PRMT8: variants seen among roughly 807,000 people sequenced by gnomAD.
PRMT8 encodes protein arginine methyltransferase 8.
A neutral mutation model predicts 47.1 loss-of-function variants in PRMT8; 7 were observed. The ratio of observed to expected loss-of-function variants is 0.15; its 90% CI spans 0.08 to 0.28. The LOEUF is 0.28. Ranked by LOEUF, PRMT8 falls within the 10% of genes least tolerant of loss-of-function variation. The pLI, the probability that PRMT8 is intolerant of heterozygous loss-of-function variation, is 1.00. For missense variants in PRMT8, 237 were observed against 505.4 expected (o/e 0.47, Z 5.09); for synonymous variants, 188 against 186.5 (o/e 1.01, Z -0.07).
chr12:3,425,869 C>A (rs763977192), intron 1 of PRMT8, among the ~76,000 whole-genome samples: 1 of 152,266 alleles, frequency 6.6e-6, no homozygotes, highest in Non-Finnish European at 1.5e-5. Flanking sequence ...ACCACACATC[C>A]GCTCAGGGAT....
intron 1 of PRMT8, among the ~76,000 whole-genome samples, chr12:3,421,071 A>C (rs1339260027): frequency 6.6e-6 from 1 of 152,098 alleles, no homozygotes; most frequent in Non-Finnish European, 1.5e-5. Flanking sequence ...AAAATATAAG[A>C]CTTTCTTACC....
chr12:3,517,602 C>G (rs745871749), intron 1 of PRMT8, among the ~76,000 whole-genome samples: 1 of 152,030 alleles, frequency 6.6e-6, no homozygotes, highest in African/African-American at 2.4e-5. Flanking sequence ...CTCCGGTAAG[C>G]GGGGCTGAGT....
intron 1 of PRMT8, among the ~76,000 whole-genome samples, chr12:3,467,611 C>T (rs190941897): frequency 6.6e-6 from 1 of 152,294 alleles, no homozygotes; most frequent in Admixed American, 6.5e-5. Flanking sequence ...CTGTGGCCTC[C>T]AAGACCAGCT....
At chr12:3,433,642 C>T (rs1289508177) in intron 1 of PRMT8, among the ~76,000 whole-genome samples, 6 of 151,930 alleles carry the variant, frequency 3.9e-5, no homozygotes, top group Admixed American at 6.6e-5. Flanking sequence ...GATGAAGTCT[C>T]GCTCTGTCAC....
chr12:3,454,203 C>T (rs894878739), intron 1 of PRMT8, among the ~76,000 whole-genome samples: 1 of 151,256 alleles, frequency 6.6e-6, no homozygotes, highest in African/African-American at 2.4e-5. Context: ...CGCCCTGTGT[C>T]TTTTGGCTTC....
At chr12:3,531,147 G>A (rs1866024727) in intron 1 of PRMT8, among the ~76,000 whole-genome samples, 2 of 152,160 alleles carry the variant, frequency 1.3e-5, no homozygotes, top group Non-Finnish European at 2.9e-5. Context: ...GGAACTAAAA[G>A]TGTAGTCTAA....
At chr12:3,381,390 G>A (rs1222809274) in exon 1 of PRMT8, 8 of 1,535,944 alleles carry the variant, frequency 5.2e-6, no homozygotes, top group Non-Finnish European at 6.1e-6. Context: ...TGTGTGCCAG[G>A]TTGAATGGAG....
In PRMT8 at chr12:3,453,558, C is replaced by T. The variant is rs1864943309; in HGVS notation, c.48+72116C>T. ...CCTGGGGAAGCCAGACGCTGCATTC[C>T]GCATGCCATCGTGACCTTGAAGTAG... On this transcript the variant is annotated intron_variant, in intron 1 of 9. Coordinates refer to the PRMT8 transcript ENST00000452611. This position sits in a 1 kb window ranked among gnomAD's most constrained non-coding sequence, Gnocchi z 4.9. Among the ~76,000 whole-genome samples the T allele has an allele frequency of 6.6e-6, 1 of 152,196 alleles. No individual in the cohort carries two copies. The highest frequency in any genetic ancestry group is 2.4e-5 in the African/African-American group (1 of 41,454).
intron 4 of PRMT8, among the ~76,000 whole-genome samples, chr12:3,562,707 C>T (rs965708969): frequency 5.3e-5 from 8 of 152,284 alleles, no homozygotes; most frequent in Admixed American, 2.0e-4. Flanking sequence ...ATTTACACCA[C>T]GGACATTGGC....
rs555851371 is a variant in PRMT8, at chr12:3,414,479, T to C, written c.48+33037T>C. Among the ~76,000 whole-genome samples the C allele has an allele frequency of 3.9e-3, 587 of 152,282 alleles. 15 individuals carry two copies. The highest frequency in any genetic ancestry group is 5.8e-3 in the Admixed American group (89 of 15,296). On this transcript the variant is annotated intron_variant, in intron 1 of 9. Transcript: ENST00000452611. ...TCACTCAGCCTGTCAATGGCTACTT[T>C]TCTTGAGAAGGAGCCTGCAAGCGAG...
chr12:3,452,220 T>C lies in PRMT8; in HGVS notation c.48+70778T>C, dbSNP rs543444937. 5.9e-5 allele frequency among the ~76,000 whole-genome samples: 9 copies of C among 151,746 alleles called. No individual in the cohort carries two copies. In the South Asian group the frequency reaches 1.9e-3, roughly 31 times the overall value. Reference sequence around the variant, plus strand: ...GAAAAATAACTAATGGGTACTGGGCTTAATACCTGGGTGAGGAAATAAGTG... The same window carrying C: ...GAAAAATAACTAATGGGTACTGGGCCTAATACCTGGGTGAGGAAATAAGTG... On this transcript the variant is annotated intron_variant, in intron 1 of 9. Coordinates refer to the PRMT8 transcript ENST00000452611.
intron 1 of PRMT8, among the ~76,000 whole-genome samples, chr12:3,483,897 T>TCCCCATCAAGCTCTGCCTC (rs1479874282): frequency 8.5e-5 from 13 of 152,302 alleles, no homozygotes; most frequent in Admixed American, 7.2e-4. Context: ...TTCATTGACT[T>TCCCCATCAAGCTCTGCCTC]CCCCATCAAG....
intron 1 of PRMT8, among the ~76,000 whole-genome samples, chr12:3,448,984 G>T (rs187588371): frequency 6.6e-6 from 1 of 152,140 alleles, no homozygotes; most frequent in Non-Finnish European, 1.5e-5. Context: ...GAGAACACGC[G>T]GTGTTTGGTT....
At chr12:3,473,426 G>A (rs1440158544) in intron 1 of PRMT8, among the ~76,000 whole-genome samples, 1 of 152,124 alleles carries the variant, frequency 6.6e-6, no homozygotes, top group Non-Finnish European at 1.5e-5. Context: ...TCTCTAGCTG[G>A]TCTTCTTCAG....
At chr12:3,431,945 G>A (rs550603918) in intron 1 of PRMT8, among the ~76,000 whole-genome samples, 2 of 152,368 alleles carry the variant, frequency 1.3e-5, no homozygotes, top group Admixed American at 1.3e-4. Flanking sequence ...TCGGCAGGCA[G>A]TGAGGGCATT....
intron 1 of PRMT8, among the ~76,000 whole-genome samples, chr12:3,521,807 G>A (rs1326872988): frequency 6.6e-6 from 1 of 152,176 alleles, no homozygotes; most frequent in African/African-American, 2.4e-5. Context: ...CACCTCTTCA[G>A]CTGGATGGAG....
chr12:3,472,879 A>G (rs1290443882), intron 1 of PRMT8, among the ~76,000 whole-genome samples: 2 of 152,102 alleles, frequency 1.3e-5, no homozygotes, highest in East Asian at 3.9e-4. Flanking sequence ...GCTGTGTTCC[A>G]GAAGCCAGGT....
chr12:3,506,746 C>CTGTCTCAGGCT (rs1171082941), intron 1 of PRMT8, among the ~76,000 whole-genome samples: 1 of 152,162 alleles, frequency 6.6e-6, no homozygotes, highest in African/African-American at 2.4e-5. Context: ...GATAGACACG[C>CTGTCTCAGGCT]TGTCTCAGGC....
chr12:3,524,360 C>G (rs747848687), intron 1 of PRMT8, among the ~76,000 whole-genome samples: 1 of 152,090 alleles, frequency 6.6e-6, no homozygotes. Context: ...CTTAGGTCAG[C>G]AAACTACAGA....
Sources: gnomAD v4.1 joint callset for allele counts (sites outside exome capture counted in the v4.1 genomes callset) on GRCh38, gnomAD v4.1.1 for gene constraint, Gnocchi (gnomAD v3.1) non-coding constraint, MANE v1.5 for transcripts, NCBI Gene and HGNC (gene_info 2026-07-23, HGNC 2026-07-21) for gene names.